Variants in NKAIN2 observed in about 807,000 individuals in gnomAD.
NKAIN2 encodes the protein sodium/potassium transporting ATPase interacting 2.
In NKAIN2, 14 loss-of-function variants were observed where a neutral mutation model predicts 32.6. The observed-to-expected ratio is 0.43, with a 90% CI of 0.28 to 0.67. NKAIN2 has a LOEUF of 0.67. Among genes scored for constraint, NKAIN2 ranks in the 30% least tolerant of loss-of-function variants. NKAIN2 has a pLI of 0.17. For synonymous variants in NKAIN2, 80 were observed against 87.2 expected (o/e 0.92, Z 0.46); for missense variants, 198 against 258.3 (o/e 0.77, Z 1.60).
chr6:123,838,512 T>A (rs1774724734), intron 1 of NKAIN2, among the ~76,000 whole-genome samples: 1 of 152,194 alleles, frequency 6.6e-6, no homozygotes. Flanking sequence ...TATGTCAAAT[T>A]TCCACTCTTA....
intron 1 of NKAIN2, among the ~76,000 whole-genome samples, chr6:124,160,127 A>G (rs985589766): frequency 6.6e-6 from 1 of 152,168 alleles, no homozygotes; most frequent in Non-Finnish European, 1.5e-5. Context: ...CTTTCCTTCC[A>G]GATAATATAC....
At chr6:124,661,248 G>T (rs1784735247) in intron 4 of NKAIN2, among the ~76,000 whole-genome samples, 1 of 152,146 alleles carries the variant, frequency 6.6e-6, no homozygotes, top group Non-Finnish European at 1.5e-5. Context: ...ATGCAGTTTT[G>T]TAAAGTCAGC....
intron 4 of NKAIN2, among the ~76,000 whole-genome samples, chr6:124,740,745 A>T (rs1777168118): frequency 6.6e-6 from 1 of 151,874 alleles, no homozygotes; most frequent in African/African-American, 2.4e-5. Context: ...GTGAAGAGGA[A>T]TGAGAGAGAA....
At chr6:124,522,726 A>G (rs767740334) in intron 3 of NKAIN2, among the ~76,000 whole-genome samples, 10 of 152,348 alleles carry the variant, frequency 6.6e-5, no homozygotes, top group Middle Eastern at 3.4e-3. Context: ...CTTTTAGTCC[A>G]TCACTTTAAA....
At chr6:124,707,056 G>A (rs1000660205) in intron 4 of NKAIN2, among the ~76,000 whole-genome samples, 19 of 136,908 alleles carry the variant, frequency 1.4e-4, no homozygotes, top group African/African-American at 4.8e-4. Context: ...TGATCTCATT[G>A]TTCAATTCCC....
chr6:124,791,573 G>A (rs1689153293), intron 5 of NKAIN2, among the ~76,000 whole-genome samples, 174 bp downstream of exon 5: 1 of 152,202 alleles, frequency 6.6e-6, no homozygotes, highest in Non-Finnish European at 1.5e-5. Context: ...CCAGCAAACT[G>A]AAGAATGGAG....
chr6:124,384,802 A>AT (rs1247782739), intron 3 of NKAIN2, among the ~76,000 whole-genome samples: 1 of 151,828 alleles, frequency 6.6e-6, no homozygotes, highest in Non-Finnish European at 1.5e-5. Flanking sequence ...TAGTTCTTGT[A>AT]TTTTTTTGCG....
At chr6:124,121,831 G>A in intron 1 of NKAIN2, 1 of 662,660 alleles carries the variant, frequency 1.5e-6, no homozygotes, top group Admixed American at 3.6e-5. Context: ...CCTTTAAATG[G>A]GTCACCCTCT....
At chr6:124,230,455 G>A (rs867052228) in intron 1 of NKAIN2, among the ~76,000 whole-genome samples, 1 of 152,188 alleles carries the variant, frequency 6.6e-6, no homozygotes, top group Non-Finnish European at 1.5e-5. Flanking sequence ...ATAAACAGCT[G>A]AATGTTAATA....
intron 4 of NKAIN2, among the ~76,000 whole-genome samples, chr6:124,682,196 G>C (rs1341633701): frequency 6.6e-6 from 1 of 151,876 alleles, no homozygotes. Context: ...AACAGATTTA[G>C]GGGACAAATA....
At chr6:124,233,666 T>A (rs79192638) in intron 1 of NKAIN2, among the ~76,000 whole-genome samples, 88 of 152,334 alleles carry the variant, frequency 5.8e-4, no homozygotes, top group African/African-American at 2.1e-3. Context: ...GACATATAGA[T>A]GTATTTCTTT....
intron 1 of NKAIN2, among the ~76,000 whole-genome samples, chr6:123,805,865 T>C (rs1169186741): frequency 6.6e-6 from 1 of 151,830 alleles, no homozygotes; most frequent in African/African-American, 2.4e-5. Context: ...TATGCTCTTT[T>C]CGATTTAAAA....
Position 124,100,424 on chromosome 6 carries a change from G to A in NKAIN2, c.55-182581G>A, listed in dbSNP as rs1279071436. ...TGTGTAATTCCTATCATGGTAATAT[G>A]TTGAATTTAACATTTATTTAATGCT... is the stretch of plus-strand genomic sequence containing the variant. On this transcript the variant is annotated intron_variant, in intron 1 of 6. Transcript: ENST00000368417. Among the ~76,000 whole-genome samples the A allele has an allele frequency of 2.0e-5, 3 of 152,132 alleles. No individual in the cohort carries two copies. The East Asian group carries it at 5.8e-4, about 29-fold the overall frequency.
chr6:124,193,057 C>T (rs1285709010), intron 1 of NKAIN2, among the ~76,000 whole-genome samples: 1 of 152,114 alleles, frequency 6.6e-6, no homozygotes. Context: ...CCAGTTCTAT[C>T]CATTTTAACT....
chr6:124,160,181 A>T (rs1788199026), intron 1 of NKAIN2, among the ~76,000 whole-genome samples: 1 of 152,158 alleles, frequency 6.6e-6, no homozygotes, highest in Non-Finnish European at 1.5e-5. Flanking sequence ...TCTACAGTGA[A>T]AAAGGGACAG....
intron 1 of NKAIN2, among the ~76,000 whole-genome samples, chr6:124,229,035 G>A (rs1180399201): frequency 6.6e-6 from 1 of 152,124 alleles, no homozygotes; most frequent in Non-Finnish European, 1.5e-5. Context: ...ACAATTGAAG[G>A]TGTGTTTCTA....
intron 3 of NKAIN2, among the ~76,000 whole-genome samples, chr6:124,408,278 A>G (rs1241796215): frequency 1.3e-5 from 2 of 152,128 alleles, no homozygotes; most frequent in Non-Finnish European, 2.9e-5. Context: ...GCCCATGCCT[A>G]TGTCCTGAAT....
chr6:123,937,072 G>A (rs898235683), intron 1 of NKAIN2, among the ~76,000 whole-genome samples: 11 of 152,048 alleles, frequency 7.2e-5, no homozygotes, highest in Non-Finnish European at 1.6e-4. Flanking sequence ...TCTAGGAGCA[G>A]CAAACCACCA....
At chr6:124,657,761 T>G (rs1784592209) in intron 3 of NKAIN2, among the ~76,000 whole-genome samples, 1 of 151,810 alleles carries the variant, frequency 6.6e-6, no homozygotes, top group Non-Finnish European at 1.5e-5. Context: ...GCTTTAAGAT[T>G]TAAAATGTGT....
Sources: gnomAD v4.1 joint callset for allele counts (sites outside exome capture counted in the v4.1 genomes callset) on GRCh38, gnomAD v4.1.1 for gene constraint, MANE v1.5 for transcripts, NCBI Gene and HGNC (gene_info 2026-07-23, HGNC 2026-07-21) for gene names.